The following SLC4A1 variants were observed in gnomAD, a reference collection of about 807,000 sequenced individuals.
SLC4A1 encodes solute carrier family 4 member 1 (Diego blood group).
A neutral mutation model predicts 93.1 loss-of-function variants in SLC4A1; 29 were observed. The ratio of observed to expected loss-of-function variants is 0.31; its 90% CI spans 0.23 to 0.42. The LOEUF (loss-of-function observed/expected upper bound fraction) is 0.42. Among genes scored for constraint, SLC4A1 ranks in the 20% least tolerant of loss-of-function variants. SLC4A1 has a pLI of 1.00. For missense variants in SLC4A1, 965 were observed against 1,190.1 expected (o/e 0.81, Z 2.78); for synonymous variants, 469 against 497.2 (o/e 0.94, Z 0.76).
At chr17:44,260,903 G>A in intron 4 of SLC4A1, 88 bp from the exon 5 acceptor site, 2 of 1,460,688 alleles carry the variant, frequency 1.4e-6, no homozygotes, top group Non-Finnish European at 1.9e-6. Context: ...GCTTGTGCTT[G>A]TGAGGCTTGG....
chr17:44,255,524 T>G, intron 14 of SLC4A1, 149 bp downstream of exon 14: 1 of 888,966 alleles, frequency 1.1e-6, no homozygotes, highest in Non-Finnish European at 1.8e-6. Context: ...AGTGAAACCC[T>G]AGGTAAGGAT....
intron 3 of SLC4A1, chr17:44,262,103 C>A: frequency 9.5e-7 from 1 of 1,053,600 alleles, no homozygotes; most frequent in Non-Finnish European, 1.2e-6. Context: ...ATATTCCCAC[C>A]CCTCCCACCC....
chr17:44,251,640 G>T (rs779890964), intron 17 of SLC4A1, 52 bp from the exon 18 acceptor site: 86 of 1,579,716 alleles, frequency 5.4e-5, no homozygotes, highest in Admixed American at 3.4e-4. Context: ...CCTGGCACCA[G>T]TGGGGGGTCA....
intron 1 of SLC4A1, among the ~76,000 whole-genome samples, chr17:44,264,460 G>A (rs78699076): frequency 0.025 from 3,824 of 152,156 alleles, 153 homozygotes; most frequent in African/African-American, 0.087. Flanking sequence ...TCTTTAGAAG[G>A]AAAACAAAAC....
intron 1 of SLC4A1, among the ~76,000 whole-genome samples, chr17:44,263,445 C>T (rs1485958741): frequency 6.6e-6 from 1 of 152,154 alleles, no homozygotes; most frequent in African/African-American, 2.4e-5. Context: ...CTCTCCCTGA[C>T]CCCATCTTGC....
At chr17:44,268,016 C>T in intron 1 of SLC4A1, 38 bp downstream of exon 1, 1 of 958,878 alleles carries the variant, frequency 1.0e-6, no homozygotes, top group Non-Finnish European at 1.2e-6. Context: ...AGGGCAGGCA[C>T]CGAAGGACCA....
chr17:44,265,312 G>A (rs1280910908), intron 1 of SLC4A1, among the ~76,000 whole-genome samples: 3 of 152,228 alleles, frequency 2.0e-5, no homozygotes, highest in Middle Eastern at 3.4e-3. Context: ...CGCGTTTGCA[G>A]CACTCGGGGG....
chr17:44,264,718 G>A (rs979235893), intron 1 of SLC4A1, among the ~76,000 whole-genome samples: 2 of 152,132 alleles, frequency 1.3e-5, no homozygotes, highest in African/African-American at 4.8e-5. Context: ...CTAGGCCCCA[G>A]CCAAGAGGCC....
At chr17:44,255,642 TG>T (rs1450163359) in intron 14 of SLC4A1, 30 bp downstream of exon 14, 1 of 1,610,706 alleles carries the variant, frequency 6.2e-7, no homozygotes, top group East Asian at 2.2e-5. Flanking sequence ...AGGGCAGTGT[TG>T]GCAAGGACAG....
Position 44,262,938 on chromosome 17 carries a change from C to T in SLC4A1, c.-68-4G>A. The T allele has an allele frequency of 6.2e-7, 1 of 1,611,498 alleles. No individual in the cohort carries two copies. The highest frequency in any genetic ancestry group is 8.5e-7 in the Non-Finnish European group (1 of 1,179,902). On this transcript the variant is annotated splice_region_variant and splice_polypyrimidine_tract_variant and intron_variant, in intron 1 of 19. Coordinates refer to ENST00000262418, the MANE Select transcript of SLC4A1 (RefSeq NM_000342.4). Reference sequence around the variant, plus strand: ...GCATAACCCGCACCGCGGGTCCCTGCAGCAGAGGGCACAGGCTGAGTGGGG... The same window carrying T: ...GCATAACCCGCACCGCGGGTCCCTGTAGCAGAGGGCACAGGCTGAGTGGGG...
At chr17:44,257,590 C>A (rs1384691185) in intron 12 of SLC4A1, 46 bp from the exon 13 acceptor site, 1 of 1,613,070 alleles carries the variant, frequency 6.2e-7, no homozygotes, top group East Asian at 2.2e-5. Flanking sequence ...GGTCTTGGGG[C>A]AAGGCACCAT....
intron 19 of SLC4A1, 68 bp from the exon 20 acceptor site, chr17:44,250,606 C>T (rs1027770438): frequency 3.3e-6 from 4 of 1,219,996 alleles, no homozygotes; most frequent in African/African-American, 1.5e-5. Flanking sequence ...TCCCCGGGCA[C>T]GAAAGGCACC....
intron 17 of SLC4A1, among the ~76,000 whole-genome samples, 162 bp from the exon 18 acceptor site, chr17:44,251,750 T>TTTTTTTTTG (rs2047344526): frequency 6.8e-6 from 1 of 147,162 alleles, no homozygotes; most frequent in Non-Finnish European, 1.5e-5. Flanking sequence ...GTTTTTTTTT[T>TTTTTTTTTG]TGAGACAGGA....
intron 3 of SLC4A1, chr17:44,261,878 G>T: frequency 9.8e-7 from 1 of 1,023,560 alleles, no homozygotes; most frequent in Non-Finnish European, 1.4e-6. Context: ...CCGGGATTCA[G>T]CCAGGGAGGC....
intron 4 of SLC4A1, 58 bp downstream of exon 4, chr17:44,261,517 T>A (rs2047444243): frequency 5.6e-6 from 9 of 1,613,894 alleles, no homozygotes; most frequent in Non-Finnish European, 1.7e-6. Flanking sequence ...TCTTCCCTGA[T>A]CAAATGGTGG....
At position 44,262,923 on chromosome 17, in the gene SLC4A1, C is replaced by T. The variant is rs2047459940; in HGVS notation, c.-57G>A. ...TGATCTGAGCCCCCAGCATAACCCG[C>T]ACCGCGGGTCCCTGCAGCAGAGGGC... On this transcript the variant is annotated 5_prime_UTR_variant, in exon 2 of 20. Coordinates refer to ENST00000262418, the MANE Select transcript of SLC4A1 (RefSeq NM_000342.4). The T allele has an allele frequency of 1.9e-6, 3 of 1,613,080 alleles. No individual in the cohort carries two copies. The highest frequency in any genetic ancestry group is 2.5e-6 in the Non-Finnish European group (3 of 1,180,024).
intron 1 of SLC4A1, among the ~76,000 whole-genome samples, chr17:44,263,308 G>C (rs1278252470): frequency 6.6e-6 from 1 of 152,108 alleles, no homozygotes. Context: ...CTCTTCTTCA[G>C]GGGGGCTTAG....
Position 44,255,201 on chromosome 17 carries a change from G to A in SLC4A1, c.1890+6C>T. On this transcript the variant is annotated splice_donor_region_variant and intron_variant, in intron 15 of 19. Transcript: ENST00000262418. ...TCATGGTCTGAGGGCTGGGAGGAGG[G>A]GTCACCTGGGTGTAGGTATCCTGAA... The A allele has an allele frequency of 6.5e-7, 1 of 1,550,280 alleles. No individual in the cohort carries two copies. Among genetic ancestry groups the A allele is most frequent in the South Asian group, 1.2e-5 (1 of 84,168 alleles).
chr17:44,267,966 C>T, intron 1 of SLC4A1, 88 bp downstream of exon 1: 1 of 697,072 alleles, frequency 1.4e-6, no homozygotes, highest in East Asian at 1.3e-4. Flanking sequence ...GCCTGGCCCA[C>T]CTGGGCATAG....
Sources: allele counts gnomAD v4.1 joint callset (sites outside exome capture counted in the v4.1 genomes callset), GRCh38; gene constraint gnomAD v4.1.1; transcripts MANE v1.5; gene names NCBI Gene and HGNC (gene_info 2026-07-23, HGNC 2026-07-21).